The following EML6 variants were observed in gnomAD, a reference collection of about 807,000 sequenced individuals.
EML6 encodes echinoderm microtubule-associated protein-like 6.
Under a neutral mutation model 240.1 loss-of-function variants are expected in EML6, and 154 were observed. That is an observed-to-expected ratio of 0.64 (90% confidence interval 0.56 to 0.73). The LOEUF (loss-of-function observed/expected upper bound fraction) is 0.73, where lower values mean the gene tolerates loss of function less well. Ranked by LOEUF, EML6 falls within the 30% of genes least tolerant of loss-of-function variation. The pLI, the probability that EML6 is intolerant of heterozygous loss-of-function variation, is 0.00. For synonymous variants in EML6, 1,148 were observed against 899.0 expected (o/e 1.28, Z -4.95); for missense variants, 2,964 against 2,474.6 (o/e 1.20, Z -4.20).
chr2:54,825,550 A>G (rs1213437008), intron 5 of EML6, among the ~76,000 whole-genome samples: 1 of 152,178 alleles, frequency 6.6e-6, no homozygotes, highest in African/African-American at 2.4e-5. Context: ...GGCATGAGCC[A>G]CTGCACCTGG....
intron 11 of EML6, among the ~76,000 whole-genome samples, chr2:54,859,094 T>C (rs1026612226): frequency 7.2e-5 from 11 of 152,200 alleles, no homozygotes; most frequent in South Asian, 4.1e-4. Context: ...GCAACCAGTT[T>C]AAGGAGGAAA....
chr2:54,905,088 T>C (rs750832578), intron 24 of EML6, among the ~76,000 whole-genome samples: 12 of 152,178 alleles, frequency 7.9e-5, no homozygotes, highest in Non-Finnish European at 1.6e-4. Flanking sequence ...TTCGCTTTCA[T>C]GTCAGGGCAG....
intron 7 of EML6, among the ~76,000 whole-genome samples, chr2:54,838,277 C>G (rs933030672): frequency 5.3e-5 from 8 of 152,150 alleles, no homozygotes; most frequent in Non-Finnish European, 1.0e-4. Flanking sequence ...TGACCTAGCA[C>G]AAAACCCGCG....
intron 2 of EML6, among the ~76,000 whole-genome samples, chr2:54,802,307 G>A (rs1300784962): frequency 1.3e-5 from 2 of 151,600 alleles, no homozygotes; most frequent in African/African-American, 2.4e-5. Flanking sequence ...GTACTTCTAA[G>A]AGTTTGAATT....
intron 2 of EML6, among the ~76,000 whole-genome samples, chr2:54,789,688 C>T (rs1342645398): frequency 6.6e-6 from 1 of 152,086 alleles, no homozygotes. Context: ...CAAACTCTAC[C>T]TTATTTAATT....
intron 17 of EML6, among the ~76,000 whole-genome samples, chr2:54,888,443 G>C (rs1463306782): frequency 1.3e-5 from 2 of 152,156 alleles, no homozygotes; most frequent in African/African-American, 2.4e-5. Context: ...GGCTGATTCT[G>C]CAGTTACAAC....
At chr2:54,854,762 G>T (rs1446130201) in intron 11 of EML6, among the ~76,000 whole-genome samples, 1 of 152,212 alleles carries the variant, frequency 6.6e-6, no homozygotes, top group Non-Finnish European at 1.5e-5. Context: ...ATCACAAAAT[G>T]ACCATCCGTT....
intron 17 of EML6, among the ~76,000 whole-genome samples, chr2:54,889,900 C>T (rs920752984): frequency 6.6e-5 from 10 of 152,128 alleles, no homozygotes; most frequent in Non-Finnish European, 1.5e-4. Flanking sequence ...TAAGCTATTC[C>T]AGTGTGTTCT....
chr2:54,849,392 T>G (rs895185288), intron 9 of EML6, among the ~76,000 whole-genome samples: 5 of 152,236 alleles, frequency 3.3e-5, no homozygotes, highest in Non-Finnish European at 7.3e-5. Context: ...TTTGTGCCCA[T>G]TAATCTACTT....
chr2:54,810,532 G>A (rs1021341437), intron 2 of EML6, among the ~76,000 whole-genome samples: 1 of 152,150 alleles, frequency 6.6e-6, no homozygotes. Flanking sequence ...AGTATCTCAA[G>A]GATTTTAAAA....
intron 11 of EML6, among the ~76,000 whole-genome samples, chr2:54,858,366 C>A (rs530084091): frequency 6.6e-6 from 1 of 152,172 alleles, no homozygotes; most frequent in Non-Finnish European, 1.5e-5. Flanking sequence ...TATTTTTAAA[C>A]CTCTGCAAAG....
chr2:54,862,357 A>C (rs1246834817), intron 12 of EML6, among the ~76,000 whole-genome samples: 1 of 150,992 alleles, frequency 6.6e-6, no homozygotes, highest in Non-Finnish European at 1.5e-5. Context: ...AAAAAAAAAA[A>C]AAAAAAAACT....
At chr2:54,760,346 A>G (rs748045108) in intron 2 of EML6, among the ~76,000 whole-genome samples, 1 of 152,176 alleles carries the variant, frequency 6.6e-6, no homozygotes, top group Non-Finnish European at 1.5e-5. Context: ...GTACTACCCA[A>G]GAACATAACA....
rs185233985 is a variant in EML6, at chr2:54,774,776, T to C, written c.198-38456T>C. Among the ~76,000 whole-genome samples, 4 of 152,340 alleles carry C rather than the reference T, an allele frequency of 2.6e-5. No homozygotes were observed. Among genetic ancestry groups the C allele is most frequent in the African/African-American group, 9.6e-5 (4 of 41,570 alleles). On this transcript the variant is annotated intron_variant, in intron 2 of 41. Coordinates refer to ENST00000356458, the MANE Select transcript of EML6 (RefSeq NM_001039753.4). The surrounding 1 kb of genome is among the most constrained non-coding windows in gnomAD (Gnocchi z 4.1). The stretch of plus-strand genomic sequence containing the variant: ...ATGATCAAATTTAGAAAATAGTGTA[T>C]TGCAAAATCTTTATCTTCTACTCTG...
intron 24 of EML6, among the ~76,000 whole-genome samples, chr2:54,908,003 A>G (rs1020385675): frequency 6.6e-6 from 1 of 150,620 alleles, no homozygotes; most frequent in African/African-American, 2.4e-5. Context: ...ATAGATAGAT[A>G]TCACAGCAGG....
chr2:54,788,627 G>A (rs6761960), intron 2 of EML6, among the ~76,000 whole-genome samples: 18,273 of 152,110 alleles, frequency 0.12, 1,645 homozygotes, highest in East Asian at 0.31. Flanking sequence ...ACAAGATTTC[G>A]CCAAAATAAC....
At chr2:54,848,804 G>T (rs1260299592) in intron 9 of EML6, among the ~76,000 whole-genome samples, 1 of 152,028 alleles carries the variant, frequency 6.6e-6, no homozygotes, top group African/African-American at 2.4e-5. Context: ...AAAAGAATCT[G>T]GTCAGAAACA....
chr2:54,893,141 G>A (rs556797123), intron 19 of EML6, among the ~76,000 whole-genome samples: 1 of 152,184 alleles, frequency 6.6e-6, no homozygotes, highest in East Asian at 1.9e-4. Context: ...AGTGAAGGCT[G>A]TTCATTGGCC....
chr2:54,816,166 C>G (rs1314154852), intron 3 of EML6, among the ~76,000 whole-genome samples: 2 of 152,168 alleles, frequency 1.3e-5, no homozygotes, highest in African/African-American at 2.4e-5. Context: ...GCCTGTTTTT[C>G]ACACTTTTGG....
Sources: allele counts gnomAD v4.1 joint callset (sites outside exome capture counted in the v4.1 genomes callset), GRCh38; gene constraint gnomAD v4.1.1; non-coding constraint Gnocchi (gnomAD v3.1); transcripts MANE v1.5; gene names NCBI Gene and HGNC (gene_info 2026-07-23, HGNC 2026-07-21).